The following SPNS3 variants were observed in gnomAD, a reference collection of about 807,000 sequenced individuals.
SPNS3 encodes the protein protein spinster homolog 3.
A neutral mutation model predicts 54.4 loss-of-function variants in SPNS3; 51 were observed. That is an observed-to-expected ratio of 0.94 (90% confidence interval 0.75 to 1.18). The LOEUF is 1.18. SPNS3 is among the 50% of genes most tolerant of loss of function. SPNS3 has a pLI of 0.00. For synonymous variants in SPNS3, 309 were observed against 294.7 expected (o/e 1.05, Z -0.50); for missense variants, 669 against 677.4 (o/e 0.99, Z 0.14).
intron 8 of SPNS3, among the ~76,000 whole-genome samples, chr17:4,455,919 G>C (rs4790630): frequency 5.3e-5 from 1 of 19,010 alleles, no homozygotes; most frequent in Non-Finnish European, 3.5e-4. Flanking sequence ...GCCCTCTGTG[G>C]GGGGGGGGTG....
chr17:4,463,303 A>G (rs1971587232), intron 8 of SPNS3, among the ~76,000 whole-genome samples: 1 of 150,968 alleles, frequency 6.6e-6, no homozygotes, highest in African/African-American at 2.4e-5. Context: ...AGGCTGAGGC[A>G]GGAGAATCAC....
chr17:4,434,594 T>C (rs1970666565), intron 1 of SPNS3, among the ~76,000 whole-genome samples: 1 of 151,720 alleles, frequency 6.6e-6, no homozygotes, highest in Non-Finnish European at 1.5e-5. Flanking sequence ...TCTCCCAGGT[T>C]CAAGTGATTC....
intron 1 of SPNS3, among the ~76,000 whole-genome samples, chr17:4,435,195 G>A (rs961860728): frequency 6.6e-6 from 1 of 152,054 alleles, no homozygotes; most frequent in Non-Finnish European, 1.5e-5. Flanking sequence ...GGCCAAGGTG[G>A]GCGGATCACT....
Position 4,449,249 on chromosome 17 carries a change from G to T in SPNS3, c.785G>T (p.Trp262Leu). 6.2e-7 allele frequency: 1 copy of T among 1,610,896 alleles called. No homozygotes were observed. ...TCGTCTTGCAGCTGGAGTTTCGTGT[G>T]GTCGACCCTCGGAGTGACCGCCATG... Reference protein sequence around the residue: ...RYLGKNWSFVWSTLGVTAMAF... With the variant: ...RYLGKNWSFVLSTLGVTAMAF... Residue 262 changes from tryptophan to leucine, a missense_variant, in exon 7 of 12, where the codon TGG (tryptophan) becomes TTG (leucine). Coordinates refer to ENST00000355530, the MANE Select transcript of SPNS3 (RefSeq NM_182538.5).
rs769939815 is a variant in SPNS3 at position 4,448,164 on chromosome 17, TGCCTGGAGGCCGTG to T, written c.636_649del (p.Glu213AspfsTer32). 6.3e-7 allele frequency: 1 copy of T among 1,593,408 alleles called. No individual in the cohort carries two copies. Among genetic ancestry groups the T allele is most frequent in the Non-Finnish European group, 8.5e-7 (1 of 1,171,210 alleles). On this transcript the variant is annotated frameshift_variant, in exon 6 of 12. Coordinates refer to ENST00000355530, the MANE Select transcript of SPNS3 (RefSeq NM_182538.5). LOFTEE classifies it high-confidence loss of function. ...GCCCTCCTGTCCCCAGGTCATGCCC[TGCCTGGAGGCCGTG>T]GCCTTGATCCTGCTTATCCTGCTGG...
intron 4 of SPNS3, among the ~76,000 whole-genome samples, 178 bp downstream of exon 4, chr17:4,446,377 A>G (rs1323883813): frequency 6.6e-6 from 1 of 152,174 alleles, no homozygotes; most frequent in Non-Finnish European, 1.5e-5. Context: ...CCTCATCTGT[A>G]AACGGGGGCA....
chr17:4,485,257 G>T (rs945368904), intron 9 of SPNS3: 1 of 152,156 alleles, frequency 6.6e-6, no homozygotes, highest in Admixed American at 6.5e-5. Flanking sequence ...AAACTCTCAA[G>T]ATCAGTACCA....
intron 3 of SPNS3, 72 bp from the exon 4 acceptor site, chr17:4,445,976 G>A (rs199926584): frequency 5.2e-5 from 79 of 1,519,400 alleles, no homozygotes; most frequent in Non-Finnish European, 6.0e-5. Flanking sequence ...TGGCTCCTCC[G>A]ACAAACCCTC....
intron 5 of SPNS3, among the ~76,000 whole-genome samples, chr17:4,447,927 C>T (rs1276384711): frequency 1.3e-5 from 2 of 152,156 alleles, no homozygotes; most frequent in Non-Finnish European, 2.9e-5. Flanking sequence ...TACATGAAGT[C>T]CCAAAGAGTC....
intron 1 of SPNS3, among the ~76,000 whole-genome samples, chr17:4,436,476 C>T (rs575756890): frequency 6.7e-4 from 102 of 152,022 alleles, no homozygotes; most frequent in African/African-American, 2.3e-3. Context: ...TTCAGCCTCT[C>T]GGGAGGCTGA....
In SPNS3 at chr17:4,483,897, C is replaced by G. The variant is rs1263447781; in HGVS notation, c.1180-2331C>G. Among the ~76,000 whole-genome samples the G allele has an allele frequency of 1.3e-5, 2 of 152,132 alleles. No homozygotes were observed. The highest frequency in any genetic ancestry group is 4.8e-5 in the African/African-American group (2 of 41,414). The stretch of plus-strand genomic sequence containing the variant: ...GGATTCTGGAATCCAGAGATCGTGT[C>G]CCTGGGATCCTCCCTCCACACCGTC... On this transcript the variant is annotated intron_variant, in intron 9 of 11. Transcript: ENST00000355530. The surrounding 1 kb of genome is among the most constrained non-coding windows in gnomAD (Gnocchi z 4.2).
At chr17:4,447,733 G>T (rs1282897430) in intron 5 of SPNS3, among the ~76,000 whole-genome samples, 2 of 152,154 alleles carry the variant, frequency 1.3e-5, no homozygotes, top group Non-Finnish European at 2.9e-5. Context: ...TTGAGCAGAG[G>T]GGCCGCTAGG....
At chr17:4,481,694 C>T (rs936672539) in intron 9 of SPNS3, among the ~76,000 whole-genome samples, 6 of 152,164 alleles carry the variant, frequency 3.9e-5, no homozygotes, top group South Asian at 2.1e-4. Context: ...TGACCCTGGC[C>T]AAGTGACTGA....
intron 9 of SPNS3, among the ~76,000 whole-genome samples, chr17:4,479,088 A>G (rs954887322): frequency 5.3e-5 from 8 of 152,186 alleles, no homozygotes; most frequent in South Asian, 2.1e-4. Context: ...GACTACAGGC[A>G]CCCGCCACCA....
intron 2 of SPNS3, among the ~76,000 whole-genome samples, chr17:4,440,446 A>AC (rs1394312006): frequency 6.6e-6 from 1 of 152,164 alleles, no homozygotes; most frequent in East Asian, 1.9e-4. Context: ...TGGCTCTTAA[A>AC]CCGGGGTACA....
At chr17:4,458,088 C>A (rs1255533955) in intron 8 of SPNS3, among the ~76,000 whole-genome samples, 1 of 151,482 alleles carries the variant, frequency 6.6e-6, no homozygotes, top group Non-Finnish European at 1.5e-5. Flanking sequence ...TCCAGTTCTT[C>A]CTTCCCAACA....
At position 4,433,950 on chromosome 17, in the gene SPNS3, C is replaced by G. The variant is rs1357112712; in HGVS notation, c.-18C>G. 3 of 1,503,844 alleles carry G rather than the reference C, an allele frequency of 2.0e-6. No individual in the cohort carries two copies. Among genetic ancestry groups the G allele is most frequent in the Non-Finnish European group, 2.7e-6 (3 of 1,126,630 alleles). The allele number at this position is 1,503,844 out of a possible 1,614,324, so 93.2% of individuals were successfully genotyped here. A position where few individuals can be genotyped will look rare whatever the true frequency, so the allele number is the denominator to read the frequency against. ...CTTCATCCTGGCGCCAGTCTCAGGC[C>G]AAGAGCTGCAGGCTGGCATGGCTGG... is the stretch of plus-strand genomic sequence containing the variant. On this transcript the variant is annotated 5_prime_UTR_variant, in exon 1 of 12. Coordinates refer to ENST00000355530, the MANE Select transcript of SPNS3 (RefSeq NM_182538.5).
chr17:4,445,953 C>T (rs1253727764), intron 3 of SPNS3, 95 bp from the exon 4 acceptor site: 7 of 1,429,790 alleles, frequency 4.9e-6, no homozygotes, highest in Non-Finnish European at 6.6e-6. Context: ...GGTCCTGTGT[C>T]ATGAGGTCCC....
chr17:4,444,300 C>T (rs564309474), intron 2 of SPNS3, among the ~76,000 whole-genome samples: 5 of 151,942 alleles, frequency 3.3e-5, no homozygotes, highest in African/African-American at 7.2e-5. Context: ...CTGCAACCTC[C>T]GCCTCCCAGG....
Sources: gnomAD v4.1 joint callset for allele counts (sites outside exome capture counted in the v4.1 genomes callset) on GRCh38, gnomAD v4.1.1 for gene constraint, Gnocchi (gnomAD v3.1) non-coding constraint, MANE v1.5 for transcripts, NCBI Gene and HGNC (gene_info 2026-07-23, HGNC 2026-07-21) for gene names.